Variants in DUS4L observed in about 807,000 individuals in gnomAD.
The protein encoded by DUS4L is tRNA-dihydrouridine(20a/20b) synthase [NAD(P)+]-like.
A neutral mutation model predicts 33.8 loss-of-function variants in DUS4L; 31 were observed. The observed-to-expected ratio is 0.92, with a 90% CI of 0.69 to 1.24. The LOEUF (loss-of-function observed/expected upper bound fraction) is 1.24, where lower values mean the gene tolerates loss of function less well. Ranked by LOEUF, DUS4L falls within the 50% of genes most tolerant of loss-of-function variation. The pLI is 0.00. For synonymous variants in DUS4L, 103 were observed against 120.3 expected (o/e 0.86, Z 0.94); for missense variants, 368 against 388.6 (o/e 0.95, Z 0.45).
chr7:107,565,949 C>G (rs887232800), intron 2 of DUS4L, among the ~76,000 whole-genome samples: 1 of 152,152 alleles, frequency 6.6e-6, no homozygotes, highest in Admixed American at 6.5e-5. Context: ...GTTGCCATTG[C>G]GCTTTATTTT....
At chr7:107,571,585 T>C (rs747959169) in intron 4 of DUS4L, among the ~76,000 whole-genome samples, 15 of 152,140 alleles carry the variant, frequency 9.9e-5, no homozygotes, top group Non-Finnish European at 1.5e-4. Flanking sequence ...AACATGTAAA[T>C]TTTTCTCTCA....
At chr7:107,576,256 T>C (rs1805733072) in intron 6 of DUS4L, 110 bp from the exon 7 acceptor site, 2 of 1,054,826 alleles carry the variant, frequency 1.9e-6, no homozygotes, top group African/African-American at 1.6e-5. Flanking sequence ...AGTAATAATA[T>C]GATATAGCAA....
chr7:107,571,453 A>C (rs1563112785), intron 4 of DUS4L, among the ~76,000 whole-genome samples, 187 bp downstream of exon 4: 1 of 152,224 alleles, frequency 6.6e-6, no homozygotes, highest in Non-Finnish European at 1.5e-5. Flanking sequence ...TATATACCAA[A>C]GTGTAAGGTC....
intron 3 of DUS4L, among the ~76,000 whole-genome samples, chr7:107,569,003 G>A (rs146419509): frequency 0.045 from 6,843 of 152,244 alleles, 194 homozygotes; most frequent in Middle Eastern, 0.071. Context: ...TCAGGAGTTC[G>A]AGACCAGCCT....
At chr7:107,575,990 G>A (rs1805697325) in intron 6 of DUS4L, among the ~76,000 whole-genome samples, 1 of 152,190 alleles carries the variant, frequency 6.6e-6, no homozygotes, top group Non-Finnish European at 1.5e-5. Context: ...ACGGTGCCCA[G>A]CCTGAAAACA....
intron 3 of DUS4L, chr7:107,567,815 C>G (rs1352889979): frequency 6.8e-6 from 3 of 443,360 alleles, no homozygotes; most frequent in Non-Finnish European, 1.4e-5. Flanking sequence ...TCACAGCAGC[C>G]CCTGGCAACC....
chr7:107,574,652 C>G (rs951801918), intron 5 of DUS4L, among the ~76,000 whole-genome samples: 1 of 152,108 alleles, frequency 6.6e-6, no homozygotes, highest in East Asian at 1.9e-4. Context: ...AATAATAGTT[C>G]TACTTTACTG....
chr7:107,577,812 T>C lies in DUS4L; in HGVS notation c.*252T>C, dbSNP rs1805890059. ...ACATCCTGATCATCCTAGGCAAACA[T>C]TGACAAATACTGCTCTGAATCCTGT... On this transcript the variant is annotated 3_prime_UTR_variant, in exon 8 of 8. Transcript: ENST00000265720. 4 of 339,752 alleles carry C rather than the reference T, an allele frequency of 1.2e-5. No homozygotes were observed. The highest frequency in any genetic ancestry group is 2.1e-5 in the African/African-American group (1 of 48,714). The allele number at this position is 339,752 out of a possible 1,614,324, so 21.0% of individuals were successfully genotyped here.
At chr7:107,571,706 G>C (rs1045009352) in intron 4 of DUS4L, among the ~76,000 whole-genome samples, 3 of 152,216 alleles carry the variant, frequency 2.0e-5, no homozygotes, top group African/African-American at 4.8e-5. Context: ...ATGTGGTCCA[G>C]CAATCTGTGT....
At chr7:107,568,874 A>G (rs1804945577) in intron 3 of DUS4L, among the ~76,000 whole-genome samples, 1 of 152,224 alleles carries the variant, frequency 6.6e-6, no homozygotes, top group East Asian at 1.9e-4. Context: ...TAGGTTGCCT[A>G]TGGATGTCCA....
At chr7:107,574,538 A>G (rs966535960) in intron 5 of DUS4L, among the ~76,000 whole-genome samples, 2 of 151,942 alleles carry the variant, frequency 1.3e-5, no homozygotes, top group African/African-American at 4.8e-5. Flanking sequence ...GGGTTTCTCT[A>G]TGTTGGTCAG....
rs547027311 is a variant in DUS4L, at chr7:107,575,530, G to T, written c.479+220G>T. On this transcript the variant is annotated intron_variant, in intron 6 of 7. Coordinates refer to ENST00000265720, the MANE Select transcript of DUS4L (RefSeq NM_181581.3). ...CTTTGTACTTTTAACAAAAGTTAAA[G>T]CCTCCCTTTAAGTTTCACCAAACTT... The T allele has an allele frequency of 2.5e-5, 9 of 363,764 alleles. 1 individual carries two copies. The South Asian group carries it at 5.6e-4, about 23-fold the overall frequency. 22.5% of individuals were successfully genotyped at this position (363,764 alleles called of 1,614,324 possible). A position where few individuals can be genotyped will look rare whatever the true frequency, so the allele number is the denominator to read the frequency against.
At chr7:107,564,709 G>C (rs140898822) in intron 2 of DUS4L, 33 bp downstream of exon 2, 1 of 152,208 alleles carries the variant, frequency 6.6e-6, no homozygotes, top group East Asian at 1.9e-4. Flanking sequence ...TTACTAATAC[G>C]TTCGCGTTTT....
intron 3 of DUS4L, chr7:107,567,882 T>G (rs1480058873): frequency 3.3e-6 from 1 of 305,812 alleles, no homozygotes; most frequent in African/African-American, 2.3e-5. Context: ...CATATAAGTC[T>G]TATACGTATT....
rs144953326 is a variant in DUS4L, at chr7:107,574,049, G to A, written c.356+228G>A. 1.2e-3 allele frequency among the ~76,000 whole-genome samples: 187 copies of A among 152,200 alleles called. 2 individuals are homozygous for A. The highest frequency in any genetic ancestry group is 4.3e-3 in the African/African-American group (178 of 41,530). On this transcript the variant is annotated intron_variant, in intron 5 of 7. Transcript: ENST00000265720. ...TGTATAGACCTTTGACAGGTGTTTT[G>A]TCTCCCCTCACCAATAGAATTTTTA...
At chr7:107,572,359 A>G (rs1168263909) in intron 4 of DUS4L, among the ~76,000 whole-genome samples, 1 of 152,232 alleles carries the variant, frequency 6.6e-6, no homozygotes, top group East Asian at 1.9e-4. Context: ...GTAGATTGCC[A>G]TAGGAATCTT....
At chr7:107,570,967 G>T (rs146893470) in intron 3 of DUS4L, 178 bp from the exon 4 acceptor site, 1 of 765,012 alleles carries the variant, frequency 1.3e-6, no homozygotes, top group South Asian at 2.0e-5. Context: ...AAATTTTCTT[G>T]TGTTTGTTTT....
chr7:107,567,620 G>GT, intron 3 of DUS4L: 2 of 249,778 alleles, frequency 8.0e-6, no homozygotes, highest in Non-Finnish European at 1.6e-5. Context: ...TTACTATTGA[G>GT]TTTTTTTAGA....
chr7:107,577,681 C>A lies in DUS4L; in HGVS notation c.*121C>A. The A allele has an allele frequency of 8.6e-7, 1 of 1,166,022 alleles. No homozygotes were observed. Among genetic ancestry groups the A allele is most frequent in the Non-Finnish European group, 1.2e-6 (1 of 853,538 alleles). 72.2% of individuals were successfully genotyped at this position (1,166,022 alleles called of 1,614,324 possible). ...TTAGTATAAAAACAATTCCTGGGAGCGTTTTTTAAAAATCAGTTGTAGACA... is the reference window on the plus strand; with the variant it reads ...TTAGTATAAAAACAATTCCTGGGAGAGTTTTTTAAAAATCAGTTGTAGACA... On this transcript the variant is annotated 3_prime_UTR_variant, in exon 8 of 8. Transcript: ENST00000265720.
Sources: allele counts gnomAD v4.1 joint callset (sites outside exome capture counted in the v4.1 genomes callset), GRCh38; gene constraint gnomAD v4.1.1; transcripts MANE v1.5; gene names NCBI Gene and HGNC (gene_info 2026-07-23, HGNC 2026-07-21).